SSBP3: variants seen among roughly 807,000 people sequenced by gnomAD.
The protein encoded by SSBP3 is single-stranded DNA-binding protein 3.
A neutral mutation model predicts 69.6 loss-of-function variants in SSBP3; 5 were observed. The ratio of observed to expected loss-of-function variants is 0.07; its 90% CI spans 0.04 to 0.15. The LOEUF (loss-of-function observed/expected upper bound fraction) is 0.15, where lower values mean the gene tolerates loss of function less well. Ranked by LOEUF, SSBP3 falls within the 10% of genes least tolerant of loss-of-function variation. The pLI, the probability that SSBP3 is intolerant of heterozygous loss-of-function variation, is 1.00. For synonymous variants in SSBP3, 196 were observed against 193.4 expected (o/e 1.01, Z -0.11); for missense variants, 312 against 534.0 (o/e 0.58, Z 4.10).
intron 3 of SSBP3, among the ~76,000 whole-genome samples, chr1:54,403,621 T>C (rs968207476): frequency 2.6e-5 from 4 of 152,228 alleles, no homozygotes; most frequent in Non-Finnish European, 5.9e-5. Context: ...CCTCCTGCTG[T>C]TCTAAGAGAC....
At position 54,400,493 on chromosome 1, in the gene SSBP3, T is replaced by G. The variant is rs184831081; in HGVS notation, c.276+1368A>C. ...GGAAACCTTATCATCACCATGGGAT[T>G]TTCCCAGAAGAACCACATCATAAGT... On this transcript the variant is annotated intron_variant, in intron 4 of 17. Transcript: ENST00000610401. Among the ~76,000 whole-genome samples, 236 of 152,304 alleles carry G rather than the reference T, an allele frequency of 1.5e-3. 4 individuals are homozygous for G. Among genetic ancestry groups the G allele is most frequent in the Middle Eastern group, 6.8e-3 (2 of 294 alleles).
At chr1:54,306,572 T>G (rs1413971371) in intron 4 of SSBP3, among the ~76,000 whole-genome samples, 1 of 152,176 alleles carries the variant, frequency 6.6e-6, no homozygotes, top group Non-Finnish European at 1.5e-5. Context: ...CTGCATTTCT[T>G]AGGAGCTGCC....
At chr1:54,378,138 A>G (rs1647329397) in intron 4 of SSBP3, among the ~76,000 whole-genome samples, 1 of 152,172 alleles carries the variant, frequency 6.6e-6, no homozygotes, top group South Asian at 2.1e-4. Flanking sequence ...ATCAGCTTAG[A>G]AACAAGGTGC....
intron 4 of SSBP3, among the ~76,000 whole-genome samples, chr1:54,372,845 C>T (rs187281199): frequency 9.9e-4 from 151 of 152,354 alleles, no homozygotes; most frequent in African/African-American, 3.0e-3. Flanking sequence ...CAGGGCCACA[C>T]AGCTGGAGAA....
intron 3 of SSBP3, among the ~76,000 whole-genome samples, chr1:54,402,958 G>T (rs748484947): frequency 2.0e-5 from 3 of 152,200 alleles, no homozygotes; most frequent in African/African-American, 4.8e-5. Flanking sequence ...CTGGTCCACT[G>T]CTCTTGTCCT....
intron 4 of SSBP3, among the ~76,000 whole-genome samples, chr1:54,342,887 G>A (rs924992864): frequency 6.6e-6 from 1 of 152,276 alleles, no homozygotes; most frequent in East Asian, 1.9e-4. Flanking sequence ...CTCCCAGTGA[G>A]CTGACACGCT....
At chr1:54,301,882 T>A (rs1203813681) in intron 4 of SSBP3, among the ~76,000 whole-genome samples, 1 of 152,236 alleles carries the variant, frequency 6.6e-6, no homozygotes, top group Non-Finnish European at 1.5e-5. Flanking sequence ...CTTCATCTGG[T>A]TTGGGTTTAG....
rs867989971 is a variant in SSBP3, at chr1:54,243,926, G to A, written c.652-627C>T. Among the ~76,000 whole-genome samples the A allele has an allele frequency of 2.4e-4, 36 of 151,806 alleles. No homozygotes were observed. In the Middle Eastern group the frequency reaches 0.017, roughly 72 times the overall value. ...AGGGATCATCACTATGTGTGTGTGAGTTTTTTTTTGTTTTGTTTGTTGAGA... is the reference window on the plus strand; with the variant it reads ...AGGGATCATCACTATGTGTGTGTGAATTTTTTTTTGTTTTGTTTGTTGAGA... On this transcript the variant is annotated intron_variant, in intron 9 of 17. Coordinates refer to ENST00000610401, the Ensembl canonical transcript of SSBP3.
At chr1:54,238,967 A>C in intron 14 of SSBP3, 162 bp downstream of exon 14, 1 of 403,350 alleles carries the variant, frequency 2.5e-6, no homozygotes, top group Non-Finnish European at 4.9e-6. Context: ...ATGAAATGGG[A>C]ACTGAGTTGC....
At chr1:54,403,128 A>G (rs559994721) in intron 3 of SSBP3, among the ~76,000 whole-genome samples, 43 of 152,150 alleles carry the variant, frequency 2.8e-4, no homozygotes, top group Non-Finnish European at 5.7e-4. Context: ...AACTTCTACC[A>G]AACAGGGCCA....
chr1:54,286,074 T>C (rs1277591220), intron 4 of SSBP3, among the ~76,000 whole-genome samples: 1 of 152,170 alleles, frequency 6.6e-6, no homozygotes, highest in Admixed American at 6.5e-5. Flanking sequence ...CCAGGGCACC[T>C]GGGTTTTAAC....
chr1:54,253,131 G>A (rs1016378045), intron 7 of SSBP3, among the ~76,000 whole-genome samples: 61 of 151,954 alleles, frequency 4.0e-4, no homozygotes, highest in Non-Finnish European at 6.3e-4. Context: ...TGAGGGCATA[G>A]GGAGTATCTG....
intron 4 of SSBP3, among the ~76,000 whole-genome samples, chr1:54,390,482 T>C (rs1648404591): frequency 6.6e-6 from 1 of 152,224 alleles, no homozygotes; most frequent in African/African-American, 2.4e-5. Context: ...TAAGTTCATT[T>C]TCTGTAGCTT....
intron 4 of SSBP3, among the ~76,000 whole-genome samples, chr1:54,295,312 G>A (rs551111876): frequency 1.9e-4 from 29 of 152,180 alleles, no homozygotes; most frequent in South Asian, 1.5e-3. Context: ...CCTCCATCCC[G>A]GTCCATGTAT....
chr1:54,343,637 G>A (rs1037072443), intron 4 of SSBP3, among the ~76,000 whole-genome samples: 1 of 152,210 alleles, frequency 6.6e-6, no homozygotes. Flanking sequence ...ACATGTGAAT[G>A]TGCAGTGTTC....
chr1:54,291,348 G>C (rs1645602997), intron 4 of SSBP3, among the ~76,000 whole-genome samples: 1 of 152,082 alleles, frequency 6.6e-6, no homozygotes, highest in African/African-American at 2.4e-5. Context: ...CCAATGCCAG[G>C]GAAGGGGCGC....
intron 4 of SSBP3, among the ~76,000 whole-genome samples, chr1:54,395,831 A>ACC (rs1648823378): frequency 6.6e-6 from 1 of 152,116 alleles, no homozygotes; most frequent in Non-Finnish European, 1.5e-5. Context: ...AGGATTCAAA[A>ACC]CCCAGGGAAA....
At chr1:54,282,630 A>G (rs939491010) in intron 4 of SSBP3, among the ~76,000 whole-genome samples, 9 of 152,172 alleles carry the variant, frequency 5.9e-5, no homozygotes, top group African/African-American at 2.2e-4. Flanking sequence ...CCCCGTGCTC[A>G]CACAGGCGGG....
At chr1:54,338,528 G>A (rs1328258572) in intron 4 of SSBP3, among the ~76,000 whole-genome samples, 5 of 152,168 alleles carry the variant, frequency 3.3e-5, no homozygotes, top group Non-Finnish European at 2.9e-5. Context: ...GAAGAGAATG[G>A]AAAATCTCAG....
Sources: allele counts gnomAD v4.1 joint callset (sites outside exome capture counted in the v4.1 genomes callset), GRCh38; gene constraint gnomAD v4.1.1; transcripts MANE v1.5; gene names NCBI Gene and HGNC (gene_info 2026-07-23, HGNC 2026-07-21).